The following CLCN5 variants were observed in gnomAD, a reference collection of about 807,000 sequenced individuals.
CLCN5 encodes the protein H(+)/Cl(-) exchange transporter 5.
In CLCN5, 17 loss-of-function variants were observed where a neutral mutation model predicts 54.0. That is an observed-to-expected ratio of 0.31 (90% confidence interval 0.22 to 0.47). The LOEUF (loss-of-function observed/expected upper bound fraction) is 0.47, where lower values mean the gene tolerates loss of function less well. Ranked by LOEUF, CLCN5 falls within the 20% of genes least tolerant of loss-of-function variation. The pLI is 1.00. For missense variants in CLCN5, 448 were observed against 646.7 expected, an observed-to-expected ratio of 0.69 and a Z score of 3.33; for synonymous variants, 222 against 233.0, an observed-to-expected ratio of 0.95 and a Z score of 0.43.
intron 3 of CLCN5, among the ~76,000 whole-genome samples, chrX:50,006,411 A>G (rs1240709030): frequency 8.0e-4 from 90 of 111,889 alleles, no homozygotes; most frequent in African/African-American, 2.7e-3. Context: ...CAGAGCAGAG[A>G]GTGCCTGTCA....
chrX:49,938,206 A>C (rs1437391531), intron 3 of CLCN5, among the ~76,000 whole-genome samples: 1 of 111,747 alleles, frequency 8.9e-6, no homozygotes, highest in Non-Finnish European at 1.9e-5. Context: ...GAAAATGGCC[A>C]TACTGCCCAA....
intron 3 of CLCN5, among the ~76,000 whole-genome samples, chrX:49,988,664 A>G (rs1344131441): frequency 5.3e-5 from 6 of 112,266 alleles, no homozygotes; most frequent in Non-Finnish European, 1.9e-5. Flanking sequence ...TGCAAAGTAC[A>G]ATAAAAATCA....
intron 3 of CLCN5, among the ~76,000 whole-genome samples, chrX:49,943,860 G>T (rs1332061895): frequency 9.0e-6 from 1 of 111,174 alleles, no homozygotes; most frequent in African/African-American, 3.3e-5. Flanking sequence ...TTGTTCTTTT[G>T]GCTTAGGATT....
chrX:50,090,014 G>C, intron 12 of CLCN5, 102 bp from the exon 13 acceptor site: 1 of 845,186 alleles, frequency 1.2e-6, no homozygotes, highest in Non-Finnish European at 1.8e-6. Flanking sequence ...TTGTAGGTGA[G>C]ACCTCATTGT....
chrX:50,060,426 C>T (rs1602099178), intron 4 of CLCN5, among the ~76,000 whole-genome samples: 1 of 107,301 alleles, frequency 9.3e-6, no homozygotes, highest in Admixed American at 9.9e-5. Context: ...GTCACTCCCA[C>T]CCGAATATTG....
intron 3 of CLCN5, among the ~76,000 whole-genome samples, chrX:49,979,718 GCTAA>G (rs1349835674): frequency 2.7e-5 from 3 of 110,837 alleles, no homozygotes; most frequent in Non-Finnish European, 5.7e-5. Context: ...GCTAAATCAA[GCTAA>G]CTAACATATG....
chrX:49,943,653 C>G (rs782751469), intron 3 of CLCN5, among the ~76,000 whole-genome samples: 9 of 109,657 alleles, frequency 8.2e-5, no homozygotes, highest in Non-Finnish European at 1.3e-4. Flanking sequence ...CATTTATTAA[C>G]TAGGGAATCC....
intron 3 of CLCN5, among the ~76,000 whole-genome samples, chrX:50,038,357 G>A (rs1409056136): frequency 9.0e-6 from 1 of 111,524 alleles, no homozygotes; most frequent in Non-Finnish European, 1.9e-5. Flanking sequence ...TATTAACAAT[G>A]TAAAGACCTG....
intron 3 of CLCN5, among the ~76,000 whole-genome samples, chrX:49,985,378 T>C (rs1928949719): frequency 8.9e-6 from 1 of 112,193 alleles, no homozygotes. Context: ...TCTTTGTGTT[T>C]GACTATATGA....
intron 3 of CLCN5, among the ~76,000 whole-genome samples, chrX:49,931,864 G>A (rs1925669757): frequency 9.5e-6 from 1 of 105,123 alleles, no homozygotes; most frequent in African/African-American, 3.5e-5. Context: ...AGTGAGCTAT[G>A]ATCTCGCCAC....
At chrX:49,950,750 A>G (rs1324369133) in intron 3 of CLCN5, among the ~76,000 whole-genome samples, 3 of 111,328 alleles carry the variant, frequency 2.7e-5, no homozygotes, top group Non-Finnish European at 5.7e-5. Flanking sequence ...ATTTATATAC[A>G]CTTGAAATAT....
intron 3 of CLCN5, among the ~76,000 whole-genome samples, chrX:50,032,190 G>A (rs1213693675): frequency 9.0e-6 from 1 of 111,534 alleles, no homozygotes; most frequent in Non-Finnish European, 1.9e-5. Context: ...ACATGTGCAT[G>A]TGTCTTTATA....
At chrX:50,028,702 C>T (rs1931540643) in intron 3 of CLCN5, among the ~76,000 whole-genome samples, 1 of 111,812 alleles carries the variant, frequency 8.9e-6, no homozygotes, top group Non-Finnish European at 1.9e-5. Context: ...TTCCAAGCTT[C>T]TTTTACAGTG....
At position 50,069,930 on chromosome X, in the gene CLCN5, A is replaced by C. The variant is rs1557191327; in HGVS notation, c.215A>C (p.Asp72Ala). The C allele has an allele frequency of 5.8e-6, 7 of 1,207,668 alleles. No homozygotes were observed. Among genetic ancestry groups the C allele is most frequent in the Admixed American group, 2.2e-5 (1 of 45,649 alleles). ...GGIGSSNRIM[D>A]FLEEPIPGVG... Reference sequence around the variant, plus strand: ...ATAGGTTCTTCAAATAGGATCATGGACTTCTTGGAGGAGCCAATCCCTGGT... The same window carrying C: ...ATAGGTTCTTCAAATAGGATCATGGCCTTCTTGGAGGAGCCAATCCCTGGT... The change falls in exon 5 of 15, where the codon GAC (aspartate) becomes GCC (alanine). Residue 72 changes from aspartate to alanine, a missense_variant. This residue lies in a region of CLCN5 where 69 missense variants were observed against 60.9 expected (regional missense o/e 1.13). Coordinates refer to ENST00000376091, the MANE Select transcript of CLCN5 (RefSeq NM_001127898.4).
chrX:49,971,384 C>T (rs1260427188), intron 3 of CLCN5, among the ~76,000 whole-genome samples: 2 of 106,860 alleles, frequency 1.9e-5, no homozygotes, highest in South Asian at 4.0e-4. Flanking sequence ...GTCCAATTAC[C>T]GTGGCTGGAA....
intron 3 of CLCN5, among the ~76,000 whole-genome samples, chrX:50,030,801 A>T (rs967852105): frequency 8.9e-6 from 1 of 112,436 alleles, no homozygotes; most frequent in Non-Finnish European, 1.9e-5. Flanking sequence ...CTGATAACTT[A>T]TGTTGGTAGT....
intron 5 of CLCN5, among the ~76,000 whole-genome samples, chrX:50,071,518 C>G (rs1933222011): frequency 8.9e-6 from 1 of 111,763 alleles, no homozygotes; most frequent in African/African-American, 3.3e-5. Flanking sequence ...ATGGTTGCAT[C>G]TGAGGCAAAT....
At chrX:50,070,292 C>A (rs1307162768) in intron 5 of CLCN5, among the ~76,000 whole-genome samples, 1 of 112,116 alleles carries the variant, frequency 8.9e-6, no homozygotes, top group Non-Finnish European at 1.9e-5. Flanking sequence ...TTGGTGCTTG[C>A]ACATAATTTT....
chrX:50,006,771 A>G (rs1557181448), intron 3 of CLCN5, among the ~76,000 whole-genome samples: 1 of 111,369 alleles, frequency 9.0e-6, no homozygotes, highest in African/African-American at 3.3e-5. Flanking sequence ...GAGCCCTTGT[A>G]CATCGCCTAC....
Sources: gnomAD v4.1 joint callset for allele counts (sites outside exome capture counted in the v4.1 genomes callset) on GRCh38, gnomAD v4.1.1 for gene constraint, gnomAD v4.1.1 regional missense constraint, MANE v1.5 for transcripts, NCBI Gene and HGNC (gene_info 2026-07-23, HGNC 2026-07-21) for gene names.